The following RFX2 variants were observed in gnomAD, a reference collection of about 807,000 sequenced individuals.
The protein encoded by RFX2 is DNA-binding protein RFX2.
Under a neutral mutation model 87.8 loss-of-function variants are expected in RFX2, and 20 were observed. That is an observed-to-expected ratio of 0.23 (90% confidence interval 0.16 to 0.33). The LOEUF is 0.33. Among genes scored for constraint, RFX2 ranks in the 10% least tolerant of loss-of-function variants. The pLI, the probability that RFX2 is intolerant of heterozygous loss-of-function variation, is 1.00. For synonymous variants in RFX2, 397 were observed against 431.3 expected, an observed-to-expected ratio of 0.92 and a Z score of 0.98; for missense variants, 767 against 1,012.3, an observed-to-expected ratio of 0.76 and a Z score of 3.29.
At position 6,002,885 on chromosome 19, in the gene RFX2, T is replaced by TCG; in HGVS notation, c.1501-17_1501-16dup. ...ACGACGCCCACCTGTAAGCCAGGGC[T>TCG]CGTGGTGAGCAGGGGTTCGCAGGGA... On this transcript the variant is annotated splice_polypyrimidine_tract_variant and intron_variant, in intron 13 of 17. Coordinates refer to ENST00000303657, the MANE Select transcript of RFX2 (RefSeq NM_000635.4). This position sits in a 1 kb window ranked among gnomAD's most constrained non-coding sequence, Gnocchi z 6.7. 1 of 1,597,824 alleles carries TCG rather than the reference T, an allele frequency of 6.3e-7. No individual in the cohort carries two copies.
intron 5 of RFX2, among the ~76,000 whole-genome samples, chr19:6,037,356 A>G (rs2087039728): frequency 6.6e-6 from 1 of 152,030 alleles, no homozygotes; most frequent in African/African-American, 2.4e-5. Flanking sequence ...AAAATCAACC[A>G]TTTTTTAAAT....
rs558967268 is a variant in RFX2, at chr19:6,096,609, A to G, written c.-9+13784T>C. ...CTACAGGCGCCCACCACCATGCCCG[A>G]CTAATTTTTTATATTTTTAGTAGAG... On this transcript the variant is annotated intron_variant, in intron 1 of 17. Transcript: ENST00000303657. Among the ~76,000 whole-genome samples, 1,107 of 151,900 alleles carry G rather than the reference A, an allele frequency of 7.3e-3. 33 individuals are homozygous for G. Among genetic ancestry groups the G allele is most frequent in the Non-Finnish European group, 3.2e-3 (219 of 67,912 alleles).
At chr19:6,003,856 G>A (rs1020035071) in intron 13 of RFX2, among the ~76,000 whole-genome samples, 3 of 149,792 alleles carry the variant, frequency 2.0e-5, no homozygotes, top group East Asian at 2.0e-4. Flanking sequence ...TCCACAAGTC[G>A]GCCAAGGTTC....
At position 6,042,604 on chromosome 19, in the gene RFX2, A is replaced by C. The variant is rs369502876; in HGVS notation, c.181-481T>G. Among the ~76,000 whole-genome samples the C allele has an allele frequency of 3.9e-5, 6 of 152,246 alleles. No individual in the cohort carries two copies. The East Asian group carries it at 1.2e-3, about 29-fold the overall frequency. On this transcript the variant is annotated intron_variant, in intron 3 of 17. Coordinates refer to ENST00000303657, the MANE Select transcript of RFX2 (RefSeq NM_000635.4). ...CAGGGGGCTGAGCAGATTAGACTCT[A>C]CATGGCCCCAACACCCCCCGTGGGT...
chr19:6,050,648 A>C lies in RFX2; in HGVS notation c.-8-3144T>G, dbSNP rs182969280. On this transcript the variant is annotated intron_variant, in intron 1 of 17. Transcript: ENST00000303657. This position sits in a 1 kb window ranked among gnomAD's most constrained non-coding sequence, Gnocchi z 4.6. ...AACAATAGATAAAAAGCATTTACCC[A>C]ATCTGAAGAATGAAGAGAAAATATA... Among the ~76,000 whole-genome samples the C allele has an allele frequency of 1.3e-5, 2 of 152,336 alleles. No homozygotes were observed. The highest frequency in any genetic ancestry group is 1.3e-4 in the Admixed American group (2 of 15,302).
In RFX2 at chr19:6,010,646, G is replaced by A. The variant is rs757560792; in HGVS notation, c.900-395C>T. On this transcript the variant is annotated intron_variant, in intron 8 of 17. Coordinates refer to ENST00000303657, the MANE Select transcript of RFX2 (RefSeq NM_000635.4). This position sits in a 1 kb window ranked among gnomAD's most constrained non-coding sequence, Gnocchi z 5.0. ...ACACAGGATTTGTCCTTTTGCAACT[G>A]GTCTCTCTCACTGAGCGTTATGTCC... 8.5e-5 allele frequency among the ~76,000 whole-genome samples: 13 copies of A among 152,064 alleles called. No homozygotes were observed. Among genetic ancestry groups the A allele is most frequent in the Non-Finnish European group, 1.3e-4 (9 of 68,034 alleles).
intron 1 of RFX2, among the ~76,000 whole-genome samples, chr19:6,062,415 G>T (rs1359344418): frequency 6.6e-6 from 1 of 152,134 alleles, no homozygotes; most frequent in Non-Finnish European, 1.5e-5. Context: ...TGAGCTGAAG[G>T]TCACAAAGCA....
intron 9 of RFX2, among the ~76,000 whole-genome samples, chr19:6,009,400 C>T (rs1568503870): frequency 1.3e-5 from 2 of 152,194 alleles, no homozygotes; most frequent in Middle Eastern, 3.4e-3. Context: ...GAGATGGCAC[C>T]ACCACTAAGC....
At chr19:6,092,209 A>C (rs1235084353) in intron 1 of RFX2, among the ~76,000 whole-genome samples, 1 of 152,260 alleles carries the variant, frequency 6.6e-6, no homozygotes, top group Non-Finnish European at 1.5e-5. Context: ...AATTTGTACC[A>C]TAAGAAGAAG....
rs1174421119 is a variant in RFX2 at position 6,110,262 on chromosome 19, G to A, written c.-9+131C>T. On this transcript the variant is annotated intron_variant, in intron 1 of 17. Transcript: ENST00000303657. This position sits in a 1 kb window ranked among gnomAD's most constrained non-coding sequence, Gnocchi z 4.3. ...GGACGGGGTGGCGGAGGCGGGTCCC[G>A]CGGGCGCACCACCCGGACGTTTGGG... is the stretch of plus-strand genomic sequence containing the variant. The A allele has an allele frequency of 1.3e-5, 2 of 151,402 alleles. No homozygotes were observed. Among genetic ancestry groups the A allele is most frequent in the Non-Finnish European group, 3.0e-5 (2 of 67,796 alleles). 9.4% of individuals were successfully genotyped at this position (151,402 alleles called of 1,614,324 possible). A position where few individuals can be genotyped will look rare whatever the true frequency, so the allele number is the denominator to read the frequency against.
intron 1 of RFX2, among the ~76,000 whole-genome samples, chr19:6,070,503 G>A (rs2087591981): frequency 6.6e-6 from 1 of 152,024 alleles, no homozygotes. Flanking sequence ...CGGGCTTGAA[G>A]CCACACGATA....
chr19:6,003,055 G>A (rs140590194), intron 13 of RFX2, among the ~76,000 whole-genome samples, 185 bp from the exon 14 acceptor site: 199 of 152,284 alleles, frequency 1.3e-3, no homozygotes, highest in African/African-American at 4.6e-3. Context: ...CAGTGAAGAG[G>A]AGACCTCGCC....
chr19:6,005,330 C>G (rs1005524452), intron 12 of RFX2, among the ~76,000 whole-genome samples: 8 of 152,220 alleles, frequency 5.3e-5, no homozygotes, highest in African/African-American at 1.9e-4. Context: ...TACTAACGGG[C>G]ATGCATATTT....
At chr19:6,046,972 C>T (rs1350563391) in intron 2 of RFX2, among the ~76,000 whole-genome samples, 2 of 150,540 alleles carry the variant, frequency 1.3e-5, no homozygotes, top group African/African-American at 4.9e-5. Context: ...GGCTATGTTG[C>T]CTAGGTTGGT....
At position 6,061,770 on chromosome 19, in the gene RFX2, G is replaced by A. The variant is rs1200388547; in HGVS notation, c.-8-14266C>T. 1.3e-5 allele frequency among the ~76,000 whole-genome samples: 2 copies of A among 152,174 alleles called. No individual in the cohort carries two copies. Among genetic ancestry groups the A allele is most frequent in the Non-Finnish European group, 2.9e-5 (2 of 68,024 alleles). The stretch of plus-strand genomic sequence containing the variant: ...GGTTCAAGTCCCAGGCTTGTCACTC[G>A]CTTACTGACTGTGGCAGTGGCCTTG... On this transcript the variant is annotated intron_variant, in intron 1 of 17. Transcript: ENST00000303657. The surrounding 1 kb of genome is among the most constrained non-coding windows in gnomAD (Gnocchi z 5.2).
rs187032943 is a variant in RFX2, at chr19:6,043,614, C to T, written c.180+579G>A. ...TGCATATCATTTATGGCTGCTTTTGCGATACAATGGCAGAATTGAGTGGTT... is the reference window on the plus strand; with the variant it reads ...TGCATATCATTTATGGCTGCTTTTGTGATACAATGGCAGAATTGAGTGGTT... On this transcript the variant is annotated intron_variant, in intron 3 of 17. Transcript: ENST00000303657. Among the ~76,000 whole-genome samples the T allele has an allele frequency of 2.9e-3, 438 of 152,312 alleles. 2 individuals are homozygous for T. Among genetic ancestry groups the T allele is most frequent in the Non-Finnish European group, 3.7e-3 (251 of 68,028 alleles).
Position 6,064,512 on chromosome 19 carries a change from G to A in RFX2, c.-8-17008C>T, listed in dbSNP as rs554770477. Among the ~76,000 whole-genome samples the A allele has an allele frequency of 1.3e-5, 2 of 152,346 alleles. No individual in the cohort carries two copies. Among genetic ancestry groups the A allele is most frequent in the Non-Finnish European group, 2.9e-5 (2 of 68,024 alleles). ...AGAGCGACTCATGCTGCCAGAGGGTGGAGGAGTGGACCTTGAAATGACAAG... is the reference window on the plus strand; with the variant it reads ...AGAGCGACTCATGCTGCCAGAGGGTAGAGGAGTGGACCTTGAAATGACAAG... On this transcript the variant is annotated intron_variant, in intron 1 of 17. Transcript: ENST00000303657. The surrounding 1 kb of genome is among the most constrained non-coding windows in gnomAD (Gnocchi z 4.8).
At chr19:6,096,604 G>A (rs2088030878) in intron 1 of RFX2, among the ~76,000 whole-genome samples, 1 of 152,008 alleles carries the variant, frequency 6.6e-6, no homozygotes, top group Non-Finnish European at 1.5e-5. Context: ...CCACCACCAT[G>A]CCCGACTAAT....
At chr19:6,028,096 C>T (rs2144738069) in intron 5 of RFX2, among the ~76,000 whole-genome samples, 1 of 151,932 alleles carries the variant, frequency 6.6e-6, no homozygotes, top group African/African-American at 2.4e-5. Context: ...GTATTATTTC[C>T]CTTATTAGAA....
Sources: allele counts gnomAD v4.1 joint callset (sites outside exome capture counted in the v4.1 genomes callset), GRCh38; gene constraint gnomAD v4.1.1; non-coding constraint Gnocchi (gnomAD v3.1); transcripts MANE v1.5; gene names NCBI Gene and HGNC (gene_info 2026-07-23, HGNC 2026-07-21).